The following DNAJC17 variants were observed in gnomAD, a reference collection of about 807,000 sequenced individuals.
DNAJC17 encodes DnaJ heat shock protein family (Hsp40) member C17, also known as dnaJ homolog subfamily C member 17.
DNAJC17 carries 35 observed loss-of-function variants against 48.1 expected under a neutral mutation model. The observed-to-expected ratio is 0.73, with a 90% CI of 0.56 to 0.96. The LOEUF is 0.96. Ranked by LOEUF, DNAJC17 falls within the 50% of genes least tolerant of loss-of-function variation. The pLI is 0.00. For synonymous variants in DNAJC17, 117 were observed against 142.7 expected (o/e 0.82, Z 1.28); for missense variants, 355 against 377.1 (o/e 0.94, Z 0.48).
At chr15:40,789,927 A>G (rs556182181) in intron 1 of DNAJC17, among the ~76,000 whole-genome samples, 37 of 149,512 alleles carry the variant, frequency 2.5e-4, no homozygotes, top group African/African-American at 8.9e-4. Context: ...AAAAAAAAAA[A>G]AAAAGAAAAG....
chr15:40,772,404 T>C (rs989327388), intron 10 of DNAJC17: 1 of 167,152 alleles, frequency 6.0e-6, no homozygotes, highest in South Asian at 2.1e-4. Flanking sequence ...TGTGTATAGG[T>C]ACCGAGCTGT....
At chr15:40,779,783 C>T in intron 2 of DNAJC17, 145 bp downstream of exon 2, 1 of 1,122,190 alleles carries the variant, frequency 8.9e-7, no homozygotes, top group Non-Finnish European at 1.3e-6. Context: ...ACACCCCTCA[C>T]AGGAGGGAAG....
At chr15:40,792,283 T>G (rs1889827488) in intron 1 of DNAJC17, among the ~76,000 whole-genome samples, 1 of 152,234 alleles carries the variant, frequency 6.6e-6, no homozygotes, top group African/African-American at 2.4e-5. Flanking sequence ...AGCTTAAAGA[T>G]AAAATAGCCT....
chr15:40,796,197 G>A lies in DNAJC17; in HGVS notation c.78+11172C>T, dbSNP rs75975315. Among the ~76,000 whole-genome samples the A allele has an allele frequency of 2.3e-3, 357 of 152,280 alleles. 3 individuals are homozygous for A. In the South Asian group the frequency reaches 0.037, roughly 16 times the overall value. On this transcript the variant is annotated intron_variant, in intron 1 of 10. Transcript: ENST00000220496. ...GATTTATTAAGCATCTACCAAGGGC[G>A]AGGCATTGTTCTAGGTGCTGGAGAC... is the stretch of plus-strand genomic sequence containing the variant.
At position 40,765,171 on chromosome 15, in the gene DNAJC17, G is replaced by T. The variant is rs867613601; in HGVS notation, c.*2769C>A. The T allele has an allele frequency of 6.6e-6, 1 of 152,190 alleles. No homozygotes were observed. The highest frequency in any genetic ancestry group is 2.4e-5 in the African/African-American group (1 of 41,436). 9.4% of individuals were successfully genotyped at this position (152,190 alleles called of 1,614,324 possible). A position where few individuals can be genotyped will look rare whatever the true frequency, so the allele number is the denominator to read the frequency against. ...CCAAAGTGATTCTTATTTCTTAAAA[G>T]ATATGGCTTTATTGATATGTAATGT... On this transcript the variant is annotated 3_prime_UTR_variant, in exon 11 of 11. Transcript: ENST00000220496.
chr15:40,774,212 G>T (rs1197404160), intron 9 of DNAJC17, 144 bp downstream of exon 9: 8 of 903,014 alleles, frequency 8.9e-6, no homozygotes, highest in Non-Finnish European at 1.4e-5. Context: ...GGAGTCAGGG[G>T]CCCCTGGGAA....
At chr15:40,807,076 AGAG>A in intron 1 of DNAJC17, 1 of 639,604 alleles carries the variant, frequency 1.6e-6, no homozygotes, top group Admixed American at 3.1e-5. Flanking sequence ...GCGCAGGCGC[AGAG>A]GAGGCTAGCG....
Position 40,767,247 on chromosome 15 carries a change from C to T in DNAJC17, c.*693G>A. The T allele has an allele frequency of 1.3e-6, 2 of 1,579,628 alleles. No homozygotes were observed. The highest frequency in any genetic ancestry group is 1.7e-6 in the Non-Finnish European group (2 of 1,163,088). On this transcript the variant is annotated 3_prime_UTR_variant, in exon 11 of 11. Coordinates refer to ENST00000220496, the MANE Select transcript of DNAJC17 (RefSeq NM_018163.3). The stretch of plus-strand genomic sequence containing the variant: ...GCAGTTATGAATACTACGTCGATGA[C>T]CCTCCCCGCATAGTCCTGGACAAGC...
At chr15:40,779,461 G>C in intron 3 of DNAJC17, 84 bp downstream of exon 3, 1 of 1,587,088 alleles carries the variant, frequency 6.3e-7, no homozygotes, top group Non-Finnish European at 8.6e-7. Flanking sequence ...TGTGCCACAT[G>C]GCAAAGGGCA....
chr15:40,792,418 G>A, intron 1 of DNAJC17: 1 of 957,600 alleles, frequency 1.0e-6, no homozygotes, highest in Non-Finnish European at 1.2e-6. Context: ...CAATCAAAAT[G>A]CATTTTCAAA....
rs955989955 is a variant in DNAJC17, at chr15:40,769,590, G to A, written c.793-1528C>T. On this transcript the variant is annotated intron_variant, in intron 10 of 10. Coordinates refer to ENST00000220496, the MANE Select transcript of DNAJC17 (RefSeq NM_018163.3). This position sits in a 1 kb window ranked among gnomAD's most constrained non-coding sequence, Gnocchi z 4.2. Reference sequence around the variant, plus strand: ...TCTGCCCCCCTTCCTGTTCCTGCTCGTGAGGGCCTGACAGCGGGGCTGAGT... The same window carrying A: ...TCTGCCCCCCTTCCTGTTCCTGCTCATGAGGGCCTGACAGCGGGGCTGAGT... Among the ~76,000 whole-genome samples the A allele has an allele frequency of 4.6e-5, 7 of 152,314 alleles. No homozygotes were observed. Among genetic ancestry groups the A allele is most frequent in the African/African-American group, 9.6e-5 (4 of 41,574 alleles).
At chr15:40,776,349 C>A (rs1212704421) in intron 5 of DNAJC17, 57 bp from the exon 6 acceptor site, 2 of 1,577,804 alleles carry the variant, frequency 1.3e-6, no homozygotes, top group Non-Finnish European at 1.7e-6. Context: ...CAGGCTGGCT[C>A]ACCTTGTAAA....
rs547045407 is a variant in DNAJC17, at chr15:40,775,414, G to C, written c.522+139C>G. On this transcript the variant is annotated intron_variant, in intron 7 of 10. Transcript: ENST00000220496. Reference sequence around the variant, plus strand: ...TCTGATCTCCGGGCGGCTGGAGCATGGAGGGAGGTGGTAATGGTGCGGGCT... The same window carrying C: ...TCTGATCTCCGGGCGGCTGGAGCATCGAGGGAGGTGGTAATGGTGCGGGCT... 5.7e-5 allele frequency: 57 copies of C among 999,416 alleles called. No homozygotes were observed. The African/African-American group carries it at 5.8e-4, about 10-fold the overall frequency. 61.9% of individuals were successfully genotyped at this position (999,416 alleles called of 1,614,324 possible). A position where few individuals can be genotyped will look rare whatever the true frequency, so the allele number is the denominator to read the frequency against.
chr15:40,775,295 G>A lies in DNAJC17; in HGVS notation c.523-187C>T, dbSNP rs1008175591. The A allele has an allele frequency of 1.4e-5, 10 of 722,286 alleles. No individual in the cohort carries two copies. The Admixed American group carries it at 2.3e-4, about 17-fold the overall frequency. The allele number at this position is 722,286 out of a possible 1,614,324, so 44.7% of individuals were successfully genotyped here. On this transcript the variant is annotated intron_variant, in intron 7 of 10. Transcript: ENST00000220496. ...AGGCAGGATGGCCTGCTCACCCCAG[G>A]GACGCTTCCCGCCCAGAAGACCCTC...
intron 1 of DNAJC17, chr15:40,780,203 C>G (rs1256569321): frequency 1.5e-6 from 1 of 669,920 alleles, no homozygotes; most frequent in Admixed American, 2.1e-5. Context: ...AGGAGCTGGG[C>G]CCACCTCCTG....
At position 40,774,439 on chromosome 15, in the gene DNAJC17, GT is replaced by G; in HGVS notation, c.601-4del. On this transcript the variant is annotated splice_region_variant and splice_polypyrimidine_tract_variant and intron_variant, in intron 8 of 10. Transcript: ENST00000220496. ...ACCAGGTTGAGAACCTCACCATACT[GT>G]GGGGACAAAGGGGTCCTAATAAGCA... The G allele has an allele frequency of 6.2e-7, 1 of 1,613,960 alleles. No homozygotes were observed. The highest frequency in any genetic ancestry group is 8.5e-7 in the Non-Finnish European group (1 of 1,180,000).
At chr15:40,807,294 A>G (rs1890268529) in intron 1 of DNAJC17, 75 bp downstream of exon 1, 2 of 1,612,708 alleles carry the variant, frequency 1.2e-6, no homozygotes, top group Non-Finnish European at 1.7e-6. Context: ...AGCGGATGCC[A>G]GCAGTGGCCG....
intron 1 of DNAJC17, among the ~76,000 whole-genome samples, chr15:40,791,249 T>C (rs1326664207): frequency 6.6e-6 from 1 of 152,054 alleles, no homozygotes; most frequent in Non-Finnish European, 1.5e-5. Flanking sequence ...TTTAAAAAGC[T>C]GGGTGCGGTG....
At chr15:40,797,173 C>A (rs1039048017) in intron 1 of DNAJC17, among the ~76,000 whole-genome samples, 4 of 152,078 alleles carry the variant, frequency 2.6e-5, no homozygotes, top group Admixed American at 2.6e-4. Flanking sequence ...AGTTTGAGAC[C>A]AGTCTGGGCA....
Sources: gnomAD v4.1 joint callset for allele counts (sites outside exome capture counted in the v4.1 genomes callset) on GRCh38, gnomAD v4.1.1 for gene constraint, Gnocchi (gnomAD v3.1) non-coding constraint, MANE v1.5 for transcripts, NCBI Gene and HGNC (gene_info 2026-07-23, HGNC 2026-07-21) for gene names.